The following UBE4B variants were observed in gnomAD, a reference collection of about 807,000 sequenced individuals.
UBE4B encodes the protein ubiquitin conjugation factor E4 B.
Under a neutral mutation model 148.1 loss-of-function variants are expected in UBE4B, and 27 were observed. That is an observed-to-expected ratio of 0.18 (90% CI 0.13 to 0.25). The LOEUF (loss-of-function observed/expected upper bound fraction) is 0.25. UBE4B is among the 10% of genes least tolerant of loss of function. The probability of loss-of-function intolerance (pLI) is 1.00; values close to 1 mark genes in which losing one functional copy is unlikely to be tolerated. For missense variants in UBE4B, 1,170 were observed against 1,662.4 expected, an observed-to-expected ratio of 0.70 and a Z score of 5.15; for synonymous variants, 596 against 619.3, an observed-to-expected ratio of 0.96 and a Z score of 0.56.
At chr1:10,096,419 A>T (rs140250872) in intron 3 of UBE4B, among the ~76,000 whole-genome samples, 1 of 152,178 alleles carries the variant, frequency 6.6e-6, no homozygotes, top group East Asian at 1.9e-4. Context: ...GGTTTGTGTC[A>T]GTGGGCTAAA....
intron 11 of UBE4B, 123 bp downstream of exon 11, chr1:10,127,000 C>T (rs1184825028): frequency 1.2e-6 from 1 of 864,320 alleles, no homozygotes; most frequent in Non-Finnish European, 1.9e-6. Flanking sequence ...AACATGAAAT[C>T]ACTGTGTTGG....
intron 1 of UBE4B, among the ~76,000 whole-genome samples, chr1:10,047,811 C>G (rs1195293262): frequency 1.3e-5 from 2 of 152,156 alleles, no homozygotes; most frequent in African/African-American, 4.8e-5. Context: ...TTACTTACAT[C>G]TCCTTGGCTA....
chr1:10,129,517 G>A, intron 12 of UBE4B, 69 bp downstream of exon 12: 1 of 1,481,008 alleles, frequency 6.8e-7, no homozygotes, highest in Non-Finnish European at 9.4e-7. Context: ...CATTCCTCTA[G>A]TGAGATGGCC....
intron 1 of UBE4B, among the ~76,000 whole-genome samples, chr1:10,062,553 T>C (rs1486258772): frequency 1.6e-4 from 1 of 6,238 alleles, no homozygotes; most frequent in Admixed American, 2.5e-3. Flanking sequence ...CCTCAGGAGG[T>C]CTGCCCACCT....
intron 1 of UBE4B, among the ~76,000 whole-genome samples, chr1:10,043,004 C>CTT (rs749891240): frequency 2.8e-5 from 4 of 140,780 alleles, no homozygotes; most frequent in African/African-American, 7.8e-5. Flanking sequence ...GTCATTCATT[C>CTT]TTTTTTTTTT....
At chr1:10,071,955 A>G in intron 1 of UBE4B, 73 bp from the exon 2 acceptor site, 1 of 1,454,274 alleles carries the variant, frequency 6.9e-7, no homozygotes, top group South Asian at 1.4e-5. Flanking sequence ...TTGGTTATGA[A>G]TAATGTCATT....
At chr1:10,171,006 A>G in intron 24 of UBE4B, 132 bp from the exon 25 acceptor site, 1 of 885,846 alleles carries the variant, frequency 1.1e-6, no homozygotes, top group Non-Finnish European at 1.7e-6. Context: ...TCAGCTTATG[A>G]TACACAGCAC....
At chr1:10,090,163 A>C (rs1457808981) in intron 2 of UBE4B, among the ~76,000 whole-genome samples, 3 of 151,702 alleles carry the variant, frequency 2.0e-5, no homozygotes, top group Non-Finnish European at 4.4e-5. Flanking sequence ...TTTGTTGCCC[A>C]GGCCGAAGTG....
chr1:10,119,170 C>T (rs1033076137), intron 8 of UBE4B, among the ~76,000 whole-genome samples: 12 of 152,032 alleles, frequency 7.9e-5, no homozygotes, highest in African/African-American at 1.9e-4. Context: ...CGTGAGCCAC[C>T]GTGCCCGGCC....
intron 2 of UBE4B, among the ~76,000 whole-genome samples, chr1:10,090,938 C>T (rs1281883811): frequency 6.6e-6 from 1 of 152,074 alleles, no homozygotes; most frequent in Non-Finnish European, 1.5e-5. Context: ...AGGAGAAAGT[C>T]TTACAGACAT....
chr1:10,061,781 A>G lies in UBE4B; in HGVS notation c.25-10247A>G, dbSNP rs1378163983. ...GGATCTCTTCATTTGGGCTACTCTCAAACTTTTTCCTTTGAATCTTGTTTT... is the reference window on the plus strand; with the variant it reads ...GGATCTCTTCATTTGGGCTACTCTCGAACTTTTTCCTTTGAATCTTGTTTT... On this transcript the variant is annotated intron_variant, in intron 1 of 27. Transcript: ENST00000343090. Among the ~76,000 whole-genome samples the G allele has an allele frequency of 3.3e-5, 5 of 152,224 alleles. No individual in the cohort carries two copies. The South Asian group carries it at 8.3e-4, about 25-fold the overall frequency.
At position 10,173,742 on chromosome 1, in the gene UBE4B, T is replaced by C. The variant is rs572545447; in HGVS notation, c.3525+2413T>C. On this transcript the variant is annotated intron_variant, in intron 25 of 27. Transcript: ENST00000343090. Reference sequence around the variant, plus strand: ...CGTAGAGAGACTTGGAAGAGCTGTTTAGTGTGCGCCCTCTCCAGGGTGGTT... The same window carrying C: ...CGTAGAGAGACTTGGAAGAGCTGTTCAGTGTGCGCCCTCTCCAGGGTGGTT... 2.3e-3 allele frequency among the ~76,000 whole-genome samples: 355 copies of C among 152,236 alleles called. 3 individuals are homozygous for C. The highest frequency in any genetic ancestry group is 8.1e-3 in the African/African-American group (336 of 41,542).
At chr1:10,130,900 A>G (rs1365777579) in intron 14 of UBE4B, 87 bp downstream of exon 14, 3 of 1,202,924 alleles carry the variant, frequency 2.5e-6, no homozygotes, top group East Asian at 2.3e-5. Context: ...GACTATGCCC[A>G]GTAGACAAAC....
intron 1 of UBE4B, among the ~76,000 whole-genome samples, chr1:10,057,945 A>G (rs1486950805): frequency 1.3e-5 from 2 of 152,044 alleles, no homozygotes; most frequent in African/African-American, 4.8e-5. Flanking sequence ...AAGAGAGGAG[A>G]AGGAACAGCT....
intron 1 of UBE4B, among the ~76,000 whole-genome samples, chr1:10,038,160 A>G (rs182595716): frequency 1.3e-5 from 2 of 152,020 alleles, no homozygotes; most frequent in East Asian, 3.9e-4. Flanking sequence ...CATGCCTGTG[A>G]TCCGAGGTAC....
intron 8 of UBE4B, 101 bp from the exon 9 acceptor site, chr1:10,119,412 C>T (rs553380735): frequency 2.3e-5 from 26 of 1,138,272 alleles, no homozygotes; most frequent in Middle Eastern, 2.0e-4. Flanking sequence ...GAGGAAAGCA[C>T]GCTGTTTACT....
chr1:10,171,648 G>A (rs1484925240), intron 25 of UBE4B, among the ~76,000 whole-genome samples: 3 of 152,200 alleles, frequency 2.0e-5, no homozygotes, highest in Non-Finnish European at 2.9e-5. Flanking sequence ...TTGGGAGGTC[G>A]AGGCGGGCAG....
intron 1 of UBE4B, among the ~76,000 whole-genome samples, chr1:10,043,876 G>T (rs891210310): frequency 6.6e-6 from 1 of 152,094 alleles, no homozygotes; most frequent in South Asian, 2.1e-4. Flanking sequence ...AAAATTAGTT[G>T]CCATTTTAAA....
At chr1:10,066,887 C>G (rs1436636140) in intron 1 of UBE4B, among the ~76,000 whole-genome samples, 1 of 152,028 alleles carries the variant, frequency 6.6e-6, no homozygotes, top group East Asian at 1.9e-4. Flanking sequence ...ACCTGGGTGA[C>G]AGAGCAAGAC....
Sources: gnomAD v4.1 joint callset for allele counts (sites outside exome capture counted in the v4.1 genomes callset) on GRCh38, gnomAD v4.1.1 for gene constraint, MANE v1.5 for transcripts, NCBI Gene and HGNC (gene_info 2026-07-23, HGNC 2026-07-21) for gene names.